The following NR6A1 variants were observed in gnomAD, a reference collection of about 807,000 sequenced individuals.
The protein encoded by NR6A1 is nuclear receptor subfamily 6 group A member 1, also known as retinoic acid receptor-related testis-associated receptor.
NR6A1 carries 7 observed loss-of-function variants against 59.1 expected under a neutral mutation model. That is an observed-to-expected ratio of 0.12 (90% CI 0.07 to 0.22). The LOEUF (loss-of-function observed/expected upper bound fraction) is 0.22, where lower values mean the gene tolerates loss of function less well. Among genes scored for constraint, NR6A1 ranks in the 10% least tolerant of loss-of-function variants. The pLI, the probability that NR6A1 is intolerant of heterozygous loss-of-function variation, is 1.00. For missense variants in NR6A1, 468 were observed against 611.6 expected, an observed-to-expected ratio of 0.77 and a Z score of 2.48; for synonymous variants, 243 against 236.1, an observed-to-expected ratio of 1.03 and a Z score of -0.27.
At chr9:124,676,993 T>G (rs1425272546) in intron 2 of NR6A1, among the ~76,000 whole-genome samples, 3 of 152,202 alleles carry the variant, frequency 2.0e-5, no homozygotes, top group Admixed American at 1.3e-4. Flanking sequence ...AAAACTGCGT[T>G]TGTCCCTTTC....
chr9:124,742,574 A>T (rs1564263406), intron 1 of NR6A1, among the ~76,000 whole-genome samples: 1 of 150,604 alleles, frequency 6.6e-6, no homozygotes, highest in Non-Finnish European at 1.5e-5. Context: ...AAATAAAAAT[A>T]AAAATAAAAA....
intron 7 of NR6A1, among the ~76,000 whole-genome samples, chr9:124,533,034 C>T (rs1833144688): frequency 6.6e-6 from 1 of 152,170 alleles, no homozygotes; most frequent in South Asian, 2.1e-4. Flanking sequence ...AGATGGGATG[C>T]ATTATGAAGC....
intron 3 of NR6A1, among the ~76,000 whole-genome samples, chr9:124,550,621 G>A (rs867969298): frequency 6.6e-6 from 1 of 151,986 alleles, no homozygotes; most frequent in African/African-American, 2.4e-5. Flanking sequence ...GCCTCCCAAA[G>A]TATTGGGATT....
At chr9:124,590,644 T>A (rs932611289) in intron 2 of NR6A1, among the ~76,000 whole-genome samples, 3 of 152,180 alleles carry the variant, frequency 2.0e-5, no homozygotes, top group Non-Finnish European at 4.4e-5. Flanking sequence ...GAGATTAGAA[T>A]AACAAGCCAT....
In NR6A1 at chr9:124,771,056, C is replaced by G. The variant is rs1033277399; in HGVS notation, c.64G>C (p.Glu22Gln). 21 of 1,230,448 alleles carry G rather than the reference C, an allele frequency of 1.7e-5. No homozygotes were observed. Among genetic ancestry groups the G allele is most frequent in the Middle Eastern group, 3.1e-4 (1 of 3,242 alleles). The allele number at this position is 1,230,448 out of a possible 1,614,324, so 76.2% of individuals were successfully genotyped here. ...GGCGGAGGGAGCGCGGCGGGAGGCT[C>G]CAGGAACCCCGCCGAGCCCCCGCCG... ...GGGGGSAGFLEPPAALPPPPR... is the reference protein window; with the variant it reads ...GGGGGSAGFLQPPAALPPPPR... The change falls in exon 1 of 10, where the codon GAG (glutamate) becomes CAG (glutamine). Residue 22 changes from glutamate (E) to glutamine (Q), a missense_variant. Glu to Gln is a conservative substitution (Grantham distance 29). Around this residue, in one of 4 missense-constraint regions of NR6A1, gnomAD observed 75 missense variants for 65.6 expected, o/e 1.14. Transcript: ENST00000487099.
At chr9:124,631,139 T>C (rs1836429533) in intron 2 of NR6A1, among the ~76,000 whole-genome samples, 2 of 152,254 alleles carry the variant, frequency 1.3e-5, no homozygotes, top group African/African-American at 4.8e-5. Context: ...AATAGATGTT[T>C]GTTATGAACA....
intron 1 of NR6A1, among the ~76,000 whole-genome samples, chr9:124,770,818 G>T (rs1007939787): frequency 6.6e-6 from 1 of 151,768 alleles, no homozygotes; most frequent in Admixed American, 6.5e-5. Context: ...CAGGGACGAA[G>T]GAGGAGGATC....
intron 1 of NR6A1, among the ~76,000 whole-genome samples, chr9:124,756,596 A>T (rs1840636697): frequency 6.6e-6 from 1 of 152,220 alleles, no homozygotes; most frequent in Non-Finnish European, 1.5e-5. Flanking sequence ...AATTAGCATA[A>T]GATTTATTTA....
intron 2 of NR6A1, among the ~76,000 whole-genome samples, chr9:124,661,992 A>T (rs1303790968): frequency 6.6e-6 from 1 of 152,144 alleles, no homozygotes; most frequent in Non-Finnish European, 1.5e-5. Context: ...CCAGCTGGAC[A>T]TGAAAAAATT....
chr9:124,551,798 G>GTT lies in NR6A1; in HGVS notation c.385+2528_385+2529dup, dbSNP rs537669565. Among the ~76,000 whole-genome samples, 397 of 152,204 alleles carry GTT rather than the reference G, an allele frequency of 2.6e-3. 1 individual carries two copies. The highest frequency in any genetic ancestry group is 9.1e-3 in the African/African-American group (376 of 41,518). On this transcript the variant is annotated intron_variant, in intron 3 of 9. Coordinates refer to ENST00000487099, the MANE Select transcript of NR6A1 (RefSeq NM_033334.4). Reference sequence around the variant, plus strand: ...TTTTTTGTGGTGTAAAGTTCTATGGGTTTTGACAAATGCACAGAATTATGT... The same window carrying GTT: ...TTTTTTGTGGTGTAAAGTTCTATGGGTTTTTTGACAAATGCACAGAATTATGT...
intron 2 of NR6A1, among the ~76,000 whole-genome samples, chr9:124,629,473 G>C (rs568868713): frequency 6.6e-6 from 1 of 152,196 alleles, no homozygotes; most frequent in Non-Finnish European, 1.5e-5. Context: ...GAATAACTCT[G>C]TGAGAAAGTA....
At chr9:124,557,442 T>G (rs866117382) in intron 2 of NR6A1, among the ~76,000 whole-genome samples, 1 of 152,174 alleles carries the variant, frequency 6.6e-6, no homozygotes, top group African/African-American at 2.4e-5. Context: ...CAATCCTCCT[T>G]CTTTTCTTTC....
At chr9:124,723,185 A>C (rs1839611830) in intron 2 of NR6A1, among the ~76,000 whole-genome samples, 2 of 152,164 alleles carry the variant, frequency 1.3e-5, no homozygotes, top group Non-Finnish European at 2.9e-5. Flanking sequence ...ACAGGAATCC[A>C]TGGTAATAGT....
chr9:124,710,459 C>T (rs1032610966), intron 2 of NR6A1, among the ~76,000 whole-genome samples: 1 of 152,162 alleles, frequency 6.6e-6, no homozygotes, highest in Non-Finnish European at 1.5e-5. Flanking sequence ...AAAACACCCC[C>T]TTTCTATTTC....
intron 2 of NR6A1, among the ~76,000 whole-genome samples, chr9:124,732,557 T>A (rs1204444648): frequency 1.3e-5 from 2 of 152,222 alleles, no homozygotes; most frequent in Non-Finnish European, 2.9e-5. Context: ...AAATGAAAAT[T>A]AAACTGTACT....
chr9:124,601,115 A>C (rs532200177), intron 2 of NR6A1, among the ~76,000 whole-genome samples: 75 of 152,164 alleles, frequency 4.9e-4, no homozygotes, highest in Middle Eastern at 6.8e-3. Context: ...ATCTCTACTA[A>C]AAATACAAAA....
intron 2 of NR6A1, among the ~76,000 whole-genome samples, chr9:124,568,637 A>T (rs1834346470): frequency 6.6e-6 from 1 of 151,994 alleles, no homozygotes; most frequent in East Asian, 1.9e-4. Context: ...ATTTTTATTA[A>T]GAAAAAAATT....
chr9:124,557,527 A>G (rs1833964331), intron 2 of NR6A1, among the ~76,000 whole-genome samples: 1 of 152,254 alleles, frequency 6.6e-6, no homozygotes, highest in Admixed American at 6.5e-5. Flanking sequence ...GAAAAAAAAG[A>G]TACCCTATAA....
At chr9:124,699,769 T>C (rs1838877139) in intron 2 of NR6A1, among the ~76,000 whole-genome samples, 1 of 152,198 alleles carries the variant, frequency 6.6e-6, no homozygotes. Context: ...TAAAACTCCC[T>C]TTGTTCCTGT....
Sources: gnomAD v4.1 joint callset for allele counts (sites outside exome capture counted in the v4.1 genomes callset) on GRCh38, gnomAD v4.1.1 for gene constraint, gnomAD v4.1.1 regional missense constraint, MANE v1.5 for transcripts, NCBI Gene and HGNC (gene_info 2026-07-23, HGNC 2026-07-21) for gene names.